The following ASIC2 variants were observed in gnomAD, a reference collection of about 807,000 sequenced individuals.
ASIC2 encodes the protein acid sensing ion channel subunit 2, also known as acid-sensing ion channel 2.
Under a neutral mutation model 57.3 loss-of-function variants are expected in ASIC2, and 25 were observed. That is an observed-to-expected ratio of 0.44 (90% CI 0.32 to 0.61). ASIC2 has a LOEUF of 0.61. ASIC2 is among the 20% of genes least tolerant of loss of function. ASIC2 has a pLI of 0.06. For missense variants in ASIC2, 641 were observed against 738.1 expected, an observed-to-expected ratio of 0.87 and a Z score of 1.52; for synonymous variants, 319 against 307.5, an observed-to-expected ratio of 1.04 and a Z score of -0.39.
intron 1 of ASIC2, among the ~76,000 whole-genome samples, chr17:33,551,263 G>A (rs568394927): frequency 1.3e-5 from 2 of 152,220 alleles, no homozygotes; most frequent in South Asian, 2.1e-4. Context: ...AGAGTGTTGT[G>A]CAATTAGGTT....
At chr17:33,941,126 C>A (rs1916182993) in intron 1 of ASIC2, among the ~76,000 whole-genome samples, 1 of 152,156 alleles carries the variant, frequency 6.6e-6, no homozygotes, top group Admixed American at 6.5e-5. Flanking sequence ...AGTTAGGAGT[C>A]TAAGTGCAGG....
At chr17:33,959,296 C>G (rs983477147) in intron 1 of ASIC2, among the ~76,000 whole-genome samples, 1 of 152,190 alleles carries the variant, frequency 6.6e-6, no homozygotes, top group Non-Finnish European at 1.5e-5. Flanking sequence ...CTGTGGGTAT[C>G]TTTACAGTAG....
At chr17:33,949,368 C>T (rs919744151) in intron 1 of ASIC2, among the ~76,000 whole-genome samples, 1 of 152,178 alleles carries the variant, frequency 6.6e-6, no homozygotes, top group Non-Finnish European at 1.5e-5. Flanking sequence ...CTTATCCAGG[C>T]CAGACCATGG....
intron 1 of ASIC2, among the ~76,000 whole-genome samples, chr17:33,149,888 A>C (rs1201167826): frequency 6.6e-6 from 1 of 152,030 alleles, no homozygotes; most frequent in Non-Finnish European, 1.5e-5. Flanking sequence ...ACCATTCTTG[A>C]AGGAACAGGC....
intron 1 of ASIC2, among the ~76,000 whole-genome samples, chr17:33,628,351 G>A (rs772447601): frequency 2.9e-4 from 44 of 151,994 alleles, no homozygotes; most frequent in South Asian, 8.3e-4. Context: ...GAGTACAGTG[G>A]TGTGACCATA....
At chr17:33,841,499 G>A (rs946005394) in intron 1 of ASIC2, among the ~76,000 whole-genome samples, 6 of 152,192 alleles carry the variant, frequency 3.9e-5, no homozygotes, top group Non-Finnish European at 4.4e-5. Context: ...GCACATCCCA[G>A]GTTCAGAATA....
chr17:34,034,562 A>T (rs1190058649), intron 1 of ASIC2, among the ~76,000 whole-genome samples: 5 of 152,224 alleles, frequency 3.3e-5, no homozygotes, highest in Non-Finnish European at 5.9e-5. Context: ...GGAAAAGAGG[A>T]AGTCAAATTG....
chr17:33,439,195 A>T (rs1911738981), intron 1 of ASIC2, among the ~76,000 whole-genome samples: 1 of 152,148 alleles, frequency 6.6e-6, no homozygotes, highest in South Asian at 2.1e-4. Context: ...CTTGTGTGTG[A>T]CTTTCAATTT....
intron 1 of ASIC2, among the ~76,000 whole-genome samples, chr17:33,288,777 C>T (rs2142178408): frequency 6.6e-6 from 1 of 150,640 alleles, no homozygotes; most frequent in East Asian, 1.9e-4. Flanking sequence ...ATGGTGTATA[C>T]AGTATTGTTA....
intron 1 of ASIC2, among the ~76,000 whole-genome samples, chr17:33,423,672 G>T (rs986417950): frequency 2.7e-5 from 4 of 150,632 alleles, no homozygotes; most frequent in African/African-American, 9.7e-5. Flanking sequence ...CAGCAAATTG[G>T]CTGCTGCAGC....
intron 1 of ASIC2, among the ~76,000 whole-genome samples, chr17:34,119,550 A>T (rs1381685065): frequency 6.6e-6 from 1 of 151,312 alleles, no homozygotes; most frequent in Admixed American, 6.6e-5. Flanking sequence ...CCTGAATGTG[A>T]CTCATTCTTC....
intron 1 of ASIC2, among the ~76,000 whole-genome samples, chr17:33,913,217 G>A (rs1915506701): frequency 6.6e-6 from 1 of 151,972 alleles, no homozygotes; most frequent in Admixed American, 6.6e-5. Flanking sequence ...TGTGTAAAGA[G>A]CTTAGCACAG....
intron 1 of ASIC2, among the ~76,000 whole-genome samples, chr17:33,565,557 C>T (rs1916207892): frequency 1.3e-5 from 2 of 152,204 alleles, no homozygotes; most frequent in Admixed American, 1.3e-4. Flanking sequence ...CCATGCACGT[C>T]CTCATCTTCC....
chr17:33,638,040 TAGATAGGCTC>T (rs1252380403), intron 1 of ASIC2, among the ~76,000 whole-genome samples: 5 of 152,168 alleles, frequency 3.3e-5, no homozygotes, highest in Non-Finnish European at 5.9e-5. Context: ...GTCAAAAGTC[TAGATAGGCTC>T]AGTCAGTTGC....
intron 1 of ASIC2, among the ~76,000 whole-genome samples, chr17:33,973,826 TG>T (rs1356825267): frequency 6.6e-6 from 1 of 152,158 alleles, no homozygotes; most frequent in African/African-American, 2.4e-5. Context: ...GGGTGTTTCC[TG>T]TGGAGCACAG....
chr17:34,032,045 C>T (rs1210234458), intron 1 of ASIC2, among the ~76,000 whole-genome samples: 1 of 152,092 alleles, frequency 6.6e-6, no homozygotes, highest in Non-Finnish European at 1.5e-5. Context: ...AGAGCAACTC[C>T]AAGACACATA....
intron 1 of ASIC2, among the ~76,000 whole-genome samples, chr17:33,457,413 A>G (rs1912487992): frequency 6.6e-6 from 1 of 152,104 alleles, no homozygotes; most frequent in South Asian, 2.1e-4. Context: ...TCAAAACCTA[A>G]TTGGGTGGCA....
intron 1 of ASIC2, among the ~76,000 whole-genome samples, chr17:33,736,429 C>T (rs967010199): frequency 2.0e-5 from 3 of 152,162 alleles, no homozygotes; most frequent in Non-Finnish European, 2.9e-5. Flanking sequence ...TTTCTACACT[C>T]AAGCCACTGT....
chr17:33,673,281 A>C (rs531577121), intron 1 of ASIC2, among the ~76,000 whole-genome samples: 7 of 152,314 alleles, frequency 4.6e-5, no homozygotes, highest in African/African-American at 1.7e-4. Flanking sequence ...AGGAGGGCAG[A>C]GGAGGCAAGG....
Sources: allele counts gnomAD v4.1 joint callset (sites outside exome capture counted in the v4.1 genomes callset), GRCh38; gene constraint gnomAD v4.1.1; transcripts MANE v1.5; gene names NCBI Gene and HGNC (gene_info 2026-07-23, HGNC 2026-07-21).